MYOM2: variants seen among roughly 807,000 people sequenced by gnomAD.
MYOM2 encodes myomesin-2.
In MYOM2, 254 loss-of-function variants were observed where a neutral mutation model predicts 187.6. The observed-to-expected ratio is 1.35, with a 90% CI of 1.22 to 1.50. MYOM2 has a LOEUF of 1.50. Among genes scored for constraint, MYOM2 ranks in the 40% most tolerant of loss-of-function variants. The probability of loss-of-function intolerance (pLI) is 0.00; values close to 1 mark genes in which losing one functional copy is unlikely to be tolerated. For synonymous variants in MYOM2, 981 were observed against 753.8 expected (o/e 1.30, Z -4.94); for missense variants, 2,796 against 1,924.0 (o/e 1.45, Z -8.48).
intron 17 of MYOM2, among the ~76,000 whole-genome samples, chr8:2,095,744 C>T (rs1796460126): frequency 6.6e-6 from 1 of 152,158 alleles, no homozygotes; most frequent in African/African-American, 2.4e-5. Flanking sequence ...GTTTCAAATG[C>T]CCTGCTCAAA....
rs142834438 is a variant in MYOM2 at position 2,144,957 on chromosome 8, G to T, written c.4374G>T (p.Ala1458=). 3 of 1,614,102 alleles carry T rather than the reference G, an allele frequency of 1.9e-6. No homozygotes were observed. Among genetic ancestry groups the T allele is most frequent in the Non-Finnish European group, 2.5e-6 (3 of 1,180,020 alleles). The change falls in exon 37 of 37, where the codon GCG becomes GCT. Residue 1458 remains alanine, a synonymous_variant. Coordinates refer to ENST00000262113, the MANE Select transcript of MYOM2 (RefSeq NM_003970.4). ...PQQAKPKLIP[A]SASAAGQ is the part of the protein sequence containing the mutation. ...AAGCCAAGCCCAAGCTCATCCCCGC[G>T]TCTGCCTCAGCGGCAGGCCAGTGAA... is the stretch of plus-strand genomic sequence containing the variant.
At chr8:2,065,864 T>C (rs951241184) in intron 6 of MYOM2, among the ~76,000 whole-genome samples, 3 of 152,040 alleles carry the variant, frequency 2.0e-5, no homozygotes, top group African/African-American at 7.2e-5. Context: ...ATGAGCTGAG[T>C]CTACACTGAC....
intron 28 of MYOM2, among the ~76,000 whole-genome samples, chr8:2,121,827 G>T (rs139421489): frequency 2.8e-4 from 43 of 152,294 alleles, no homozygotes; most frequent in African/African-American, 9.9e-4. Flanking sequence ...TGTGAGTCAG[G>T]CATGGGCCAT....
intron 3 of MYOM2, among the ~76,000 whole-genome samples, 175 bp downstream of exon 3, chr8:2,052,488 C>A (rs948556948): frequency 6.6e-6 from 1 of 152,184 alleles, no homozygotes; most frequent in African/African-American, 2.4e-5. Context: ...TTCTCTTTAC[C>A]ATCATTATCT....
intron 11 of MYOM2, among the ~76,000 whole-genome samples, chr8:2,077,809 G>T (rs902417609): frequency 3.2e-4 from 48 of 152,202 alleles, no homozygotes; most frequent in African/African-American, 1.2e-3. Context: ...GGAAGTGGGG[G>T]GTGCAGCTCC....
At chr8:2,083,178 G>A (rs934848905) in intron 13 of MYOM2, among the ~76,000 whole-genome samples, 5 of 152,190 alleles carry the variant, frequency 3.3e-5, no homozygotes, top group African/African-American at 4.8e-5. Context: ...CAAAAAGCAT[G>A]TGTGTTTATA....
rs144139938 is a variant in MYOM2, at chr8:2,090,132, G to C, written c.1769G>C (p.Arg590Pro). The C allele has an allele frequency of 1.2e-6, 2 of 1,613,934 alleles. No homozygotes were observed. The highest frequency in any genetic ancestry group is 2.2e-5 in the East Asian group (1 of 44,894). The change falls in exon 15 of 37, where the codon CGG becomes CCG. Residue 590 changes from arginine to proline, a missense_variant. Transcript: ENST00000262113. ...GTGTTCCGAGTGCTGTCAGCAAACC[G>C]GCATGGCCTGAGCGAACCTTCGGAG... Reference protein sequence around the residue: ...SYVFRVLSANRHGLSEPSEIT... With the variant: ...SYVFRVLSANPHGLSEPSEIT...
At chr8:2,084,907 A>G (rs1819756721) in intron 13 of MYOM2, 1 of 209,284 alleles carries the variant, frequency 4.8e-6, no homozygotes. Flanking sequence ...CAGACTGTGA[A>G]TATGTTCTCT....
intron 27 of MYOM2, among the ~76,000 whole-genome samples, chr8:2,116,907 G>A (rs183737393): frequency 1.3e-4 from 20 of 150,372 alleles, no homozygotes; most frequent in Middle Eastern, 6.8e-3. Flanking sequence ...ACAGGCGCCC[G>A]CCACTATGCC....
Position 2,057,439 on chromosome 8 carries a change from C to A in MYOM2, c.355C>A (p.Arg119Ser). The change falls in exon 4 of 37, where the codon CGC becomes AGC. Residue 119 changes from arginine (R) to serine (S), a missense_variant. Arg to Ser is a moderately radical substitution (Grantham distance 110). Coordinates refer to ENST00000262113, the MANE Select transcript of MYOM2 (RefSeq NM_003970.4). ...AHLEEDVHLA[R>S]SQARDKLDKY... is the part of the protein sequence containing the mutation. ...CTTGGAGGAGGATGTCCACCTGGCA[C>A]GCTCCCAGGCCCGCGACAAGCTGGA... 2.5e-6 allele frequency: 4 copies of A among 1,613,992 alleles called. No individual in the cohort carries two copies. The highest frequency in any genetic ancestry group is 2.5e-6 in the Non-Finnish European group (3 of 1,179,984).
In MYOM2 at chr8:2,085,312, C is replaced by T. The variant is rs757547518; in HGVS notation, c.1566C>T (p.Ile522=). 1.2e-6 allele frequency: 2 copies of T among 1,614,194 alleles called. No homozygotes were observed. The highest frequency in any genetic ancestry group is 1.7e-6 in the Non-Finnish European group (2 of 1,180,014). ...GPPTGVHASE[I]SRNYVVLSWE... is the part of the protein sequence containing the mutation. ...CCACCGGTGTGCACGCTTCCGAGATCAGCAGAAACTATGTCGTCCTCAGCT... is the reference window on the plus strand; with the variant it reads ...CCACCGGTGTGCACGCTTCCGAGATTAGCAGAAACTATGTCGTCCTCAGCT... Residue 522 remains isoleucine, a synonymous_variant, in exon 14 of 37, where the codon ATC becomes ATT. Coordinates refer to ENST00000262113, the MANE Select transcript of MYOM2 (RefSeq NM_003970.4).
chr8:2,093,273 A>T (rs1437853846), intron 16 of MYOM2, among the ~76,000 whole-genome samples: 1 of 152,248 alleles, frequency 6.6e-6, no homozygotes, highest in Non-Finnish European at 1.5e-5. Flanking sequence ...CCCACAGCAA[A>T]TGCAGAAAGA....
chr8:2,095,713 C>T (rs1270035160), intron 17 of MYOM2, among the ~76,000 whole-genome samples: 1 of 152,164 alleles, frequency 6.6e-6, no homozygotes, highest in Non-Finnish European at 1.5e-5. Context: ...CCGTTCTCGA[C>T]CTGTTAGGAG....
chr8:2,127,312 T>C (rs1797682818), intron 31 of MYOM2, among the ~76,000 whole-genome samples: 1 of 151,938 alleles, frequency 6.6e-6, no homozygotes, highest in African/African-American at 2.4e-5. Context: ...CCTTACAGAT[T>C]TTCAATAACC....
chr8:2,083,553 G>A (rs1443824887), intron 13 of MYOM2, among the ~76,000 whole-genome samples: 1 of 152,206 alleles, frequency 6.6e-6, no homozygotes, highest in East Asian at 1.9e-4. Context: ...GTGCTTAGCG[G>A]TGTCTCTCGT....
chr8:2,088,325 A>C (rs1796166333), intron 14 of MYOM2, among the ~76,000 whole-genome samples: 1 of 152,182 alleles, frequency 6.6e-6, no homozygotes, highest in South Asian at 2.1e-4. Flanking sequence ...GTACCTGTGC[A>C]AGTTCTGACA....
rs145417744 is a variant in MYOM2, at chr8:2,088,452, C to T, written c.1645-1556C>T. Among the ~76,000 whole-genome samples, 1,229 of 152,274 alleles carry T rather than the reference C, an allele frequency of 8.1e-3. 42 individuals carry two copies. The highest frequency in any genetic ancestry group is 0.068 in the Admixed American group (1,044 of 15,294). ...TGCTCTGTCTGGTAGGCCTCAGTGT[C>T]TATCGTTGCCATCTTCGTGTGCGTG... On this transcript the variant is annotated intron_variant, in intron 14 of 36. Coordinates refer to ENST00000262113, the MANE Select transcript of MYOM2 (RefSeq NM_003970.4).
In MYOM2 at chr8:2,106,220, A is replaced by G. The variant is rs549180987; in HGVS notation, c.2735-22A>G. On this transcript the variant is annotated intron_variant, in intron 21 of 36. Transcript: ENST00000262113. Reference sequence around the variant, plus strand: ...AGAACACCGTGTCCCTAAGCCGCTCACTTCATACTCTTCTTATGCAGGCAC... The same window carrying G: ...AGAACACCGTGTCCCTAAGCCGCTCGCTTCATACTCTTCTTATGCAGGCAC... 10 of 1,611,488 alleles carry G rather than the reference A, an allele frequency of 6.2e-6. No homozygotes were observed. The South Asian group carries it at 7.7e-5, about 12-fold the overall frequency.
At chr8:2,094,671 A>C (rs1027299136) in intron 17 of MYOM2, among the ~76,000 whole-genome samples, 1 of 152,224 alleles carries the variant, frequency 6.6e-6, no homozygotes, top group African/African-American at 2.4e-5. Context: ...TATATGCTGT[A>C]GGGGATACAT....
Sources: gnomAD v4.1 joint callset for allele counts (sites outside exome capture counted in the v4.1 genomes callset) on GRCh38, gnomAD v4.1.1 for gene constraint, MANE v1.5 for transcripts, NCBI Gene and HGNC (gene_info 2026-07-23, HGNC 2026-07-21) for gene names.